Variants in NWD1 observed in about 807,000 individuals in gnomAD.
NWD1 encodes the protein NACHT domain- and WD repeat-containing protein 1.
Under a neutral mutation model 135.1 loss-of-function variants are expected in NWD1, and 129 were observed. That is an observed-to-expected ratio of 0.96 (90% CI 0.83 to 1.11). NWD1 has a LOEUF of 1.11. Ranked by LOEUF, NWD1 falls within the 50% of genes least tolerant of loss-of-function variation. NWD1 has a pLI of 0.00. For missense variants in NWD1, 1,740 were observed against 1,851.3 expected (o/e 0.94, Z 1.10); for synonymous variants, 773 against 786.0 (o/e 0.98, Z 0.28).
intron 2 of NWD1, among the ~76,000 whole-genome samples, chr19:16,730,228 A>G (rs1967501891): frequency 1.3e-5 from 2 of 151,922 alleles, no homozygotes; most frequent in African/African-American, 4.8e-5. Flanking sequence ...AGGCTGAGGC[A>G]GGGGAATTGC....
At position 16,749,803 on chromosome 19, in the gene NWD1, G is replaced by C; in HGVS notation, c.1161G>C (p.Lys387Asn). 1 of 1,606,722 alleles carries C rather than the reference G, an allele frequency of 6.2e-7. No individual in the cohort carries two copies. Among genetic ancestry groups the C allele is most frequent in the Non-Finnish European group, 8.5e-7 (1 of 1,176,018 alleles). ...QMSSDARGLL[K>N]SICFQVCLAY... ...GCTCAGATGCCCGTGGCCTGCTGAAGAGCATCTGCTTCCAGGTGTGCCTGG... is the reference window on the plus strand; with the variant it reads ...GCTCAGATGCCCGTGGCCTGCTGAACAGCATCTGCTTCCAGGTGTGCCTGG... The change falls in exon 6 of 19, where the codon AAG (lysine) becomes AAC (asparagine). Residue 387 changes from lysine (K) to asparagine (N), a missense_variant. By Grantham distance (94) the Lys-to-Asn change is moderately conservative. Coordinates refer to ENST00000524140, the MANE Select transcript of NWD1 (RefSeq NM_001007525.5).
intron 6 of NWD1, 51 bp from the exon 7 acceptor site, chr19:16,759,174 A>C (rs1968911453): frequency 1.4e-6 from 2 of 1,462,250 alleles, no homozygotes; most frequent in Non-Finnish European, 1.9e-6. Flanking sequence ...GCATCCTCCA[A>C]ATGCAGAAGA....
chr19:16,726,739 TAA>T (rs1414404500), intron 2 of NWD1, among the ~76,000 whole-genome samples: 1 of 152,188 alleles, frequency 6.6e-6, no homozygotes, highest in East Asian at 1.9e-4. Flanking sequence ...GCACCTGGCC[TAA>T]AACTGGTTTC....
intron 6 of NWD1, among the ~76,000 whole-genome samples, chr19:16,755,205 TA>T (rs1214490227): frequency 6.6e-6 from 1 of 152,074 alleles, no homozygotes; most frequent in Non-Finnish European, 1.5e-5. Flanking sequence ...TGTCTATCAT[TA>T]ATATCTCTCT....
chr19:16,773,893 A>C (rs547592950), intron 11 of NWD1, among the ~76,000 whole-genome samples: 1 of 146,038 alleles, frequency 6.8e-6, no homozygotes, highest in Non-Finnish European at 1.5e-5. Flanking sequence ...TCATCTATCC[A>C]TCCATCCACC....
chr19:16,766,308 G>A (rs969039705), intron 10 of NWD1, among the ~76,000 whole-genome samples: 3 of 152,078 alleles, frequency 2.0e-5, no homozygotes. Flanking sequence ...AAGGTGAGGT[G>A]GGAGGATCAA....
chr19:16,795,415 CTT>C lies in NWD1; in HGVS notation c.3304+880_3304+881del, dbSNP rs869281364. ...GGGGGTGTTACAGTGTGCTAATTAC[CTT>C]TTTTTTTTTTTTTTTTTGAGACCGA... On this transcript the variant is annotated intron_variant, in intron 15 of 18. Transcript: ENST00000524140. Among the ~76,000 whole-genome samples, 406 of 136,296 alleles carry C rather than the reference CTT, an allele frequency of 3.0e-3. 1 individual carries two copies. The highest frequency in any genetic ancestry group is 9.4e-3 in the African/African-American group (342 of 36,210). 89.4% of individuals were successfully genotyped at this position (136,296 alleles called of 152,430 possible).
chr19:16,787,873 TAAC>T (rs1329129413), intron 12 of NWD1, among the ~76,000 whole-genome samples: 1,274 of 91,388 alleles, frequency 0.014, 27 homozygotes, highest in Admixed American at 0.092. Flanking sequence ...ATAGTAATAA[TAAC>T]AATAATAATA....
intron 2 of NWD1, 25 bp from the exon 3 acceptor site, chr19:16,731,167 A>C (rs1052483547): frequency 1.5e-6 from 2 of 1,303,650 alleles, no homozygotes; most frequent in Non-Finnish European, 2.1e-6. Context: ...CTTTCCACTA[A>C]TACCCTCCAT....
intron 12 of NWD1, among the ~76,000 whole-genome samples, chr19:16,780,684 G>A (rs772070773): frequency 4.2e-4 from 63 of 151,092 alleles, no homozygotes; most frequent in Non-Finnish European, 2.1e-4. Context: ...TTCTGACAGG[G>A]TGTTGCTCTG....
chr19:16,809,964 C>T (rs1970873409), intron 18 of NWD1, among the ~76,000 whole-genome samples: 1 of 152,136 alleles, frequency 6.6e-6, no homozygotes, highest in African/African-American at 2.4e-5. Flanking sequence ...TCTGCCTGGT[C>T]ACAGGGAGAC....
Position 16,808,140 on chromosome 19 carries a change from G to A in NWD1, c.4287+4G>A, listed in dbSNP as rs113732139. ...GAAATTCGAGATGAGCTACACGGTG[G>A]GTGGCCCGCCTCCCCATGTTCATGC... On this transcript the variant is annotated splice_donor_region_variant and intron_variant, in intron 18 of 18. Coordinates refer to ENST00000524140, the MANE Select transcript of NWD1 (RefSeq NM_001007525.5). 1.2e-6 allele frequency: 2 copies of A among 1,611,746 alleles called. No homozygotes were observed.
At chr19:16,776,323 G>A (rs893886333) in intron 11 of NWD1, among the ~76,000 whole-genome samples, 40 of 151,944 alleles carry the variant, frequency 2.6e-4, no homozygotes, top group East Asian at 9.7e-4. Context: ...TAATCCCAGC[G>A]CTTTGGGAGG....
chr19:16,795,497 A>G (rs1970390503), intron 15 of NWD1, among the ~76,000 whole-genome samples: 1 of 150,072 alleles, frequency 6.7e-6, no homozygotes, highest in African/African-American at 2.5e-5. Flanking sequence ...GCTCACTGCA[A>G]CCTCCACCTC....
At chr19:16,754,396 C>G (rs146813620) in intron 6 of NWD1, among the ~76,000 whole-genome samples, 6 of 150,920 alleles carry the variant, frequency 4.0e-5, no homozygotes, top group African/African-American at 1.5e-4. Flanking sequence ...TCTCTATCTT[C>G]CATCCATCTA....
chr19:16,771,797 T>TAACATCCTAAATGATCCAACGC (rs1969422439), intron 10 of NWD1, among the ~76,000 whole-genome samples: 1 of 150,440 alleles, frequency 6.6e-6, no homozygotes, highest in Non-Finnish European at 1.5e-5. Context: ...CCATTCAACA[T>TAACATCCTAAATGATCCAACGC]AACATCCTAA....
intron 4 of NWD1, among the ~76,000 whole-genome samples, chr19:16,739,706 C>T (rs1395494199): frequency 6.6e-6 from 1 of 152,128 alleles, no homozygotes; most frequent in African/African-American, 2.4e-5. Flanking sequence ...AGAGGTGTCT[C>T]TCTGGTAAAT....
At chr19:16,756,785 C>T (rs567641269) in intron 6 of NWD1, among the ~76,000 whole-genome samples, 5 of 152,192 alleles carry the variant, frequency 3.3e-5, no homozygotes, top group Admixed American at 2.0e-4. Flanking sequence ...GAGCAGTGGG[C>T]GAACAAGTGA....
At chr19:16,795,829 A>G (rs2123075741) in intron 15 of NWD1, among the ~76,000 whole-genome samples, 1 of 152,184 alleles carries the variant, frequency 6.6e-6, no homozygotes, top group East Asian at 1.9e-4. Context: ...GCTTGGCCCC[A>G]CCACTGCTTC....
Sources: allele counts gnomAD v4.1 joint callset (sites outside exome capture counted in the v4.1 genomes callset), GRCh38; gene constraint gnomAD v4.1.1; transcripts MANE v1.5; gene names NCBI Gene and HGNC (gene_info 2026-07-23, HGNC 2026-07-21).